TCF4: variants seen among roughly 807,000 people sequenced by gnomAD.
TCF4 encodes the protein SL3-3 enhancer factor 2.
In TCF4, 3 loss-of-function variants were observed where a neutral mutation model predicts 82.1. The ratio of observed to expected loss-of-function variants is 0.04; its 90% CI spans 0.02 to 0.09. The LOEUF (loss-of-function observed/expected upper bound fraction) is 0.09. Among genes scored for constraint, TCF4 ranks in the 10% least tolerant of loss-of-function variants. TCF4 has a pLI of 1.00. For missense variants in TCF4, 518 were observed against 852.7 expected, an observed-to-expected ratio of 0.61 and a Z score of 4.89; for synonymous variants, 276 against 309.6, an observed-to-expected ratio of 0.89 and a Z score of 1.14.
chr18:55,396,726 C>A (rs1029095120), intron 6 of TCF4, among the ~76,000 whole-genome samples: 3 of 152,174 alleles, frequency 2.0e-5, no homozygotes, highest in Non-Finnish European at 2.9e-5. Context: ...GCCTCTCTGA[C>A]CATCAGCCTG....
intron 3 of TCF4, among the ~76,000 whole-genome samples, chr18:55,537,419 A>G (rs934389854): frequency 2.0e-5 from 3 of 152,030 alleles, no homozygotes; most frequent in Non-Finnish European, 4.4e-5. Context: ...GCGAAACACC[A>G]TCTCTACAAA....
chr18:55,298,123 T>C (rs1343201093), intron 8 of TCF4, among the ~76,000 whole-genome samples: 1 of 152,172 alleles, frequency 6.6e-6, no homozygotes, highest in African/African-American at 2.4e-5. Flanking sequence ...GCACGAAGCA[T>C]CCAGTCGGTA....
chr18:55,318,919 T>G (rs1247983765), intron 8 of TCF4, among the ~76,000 whole-genome samples: 1 of 152,190 alleles, frequency 6.6e-6, no homozygotes, highest in African/African-American at 2.4e-5. Flanking sequence ...TCACTGTGTT[T>G]TGGAATGATT....
rs367549706 is a variant in TCF4 at position 55,511,491 on chromosome 18, C to CA, written c.146-47355dup. Among the ~76,000 whole-genome samples, 232 of 152,060 alleles carry CA rather than the reference C, an allele frequency of 1.5e-3. 1 individual carries two copies. The highest frequency in any genetic ancestry group is 5.4e-3 in the African/African-American group (226 of 41,492). On this transcript the variant is annotated intron_variant, in intron 3 of 19. Transcript: ENST00000354452. ...AAATCAGCATTAAAACACTGACTTG[C>CA]AAAAATGGCAACTTTTATTTTACTG... is the stretch of plus-strand genomic sequence containing the variant.
intron 5 of TCF4, among the ~76,000 whole-genome samples, chr18:55,435,628 A>G (rs1461397342): frequency 6.6e-6 from 1 of 152,080 alleles, no homozygotes; most frequent in Admixed American, 6.6e-5. Flanking sequence ...TACTCCTCAT[A>G]CCCTTCCTCT....
At chr18:55,268,769 G>A (rs1341225530) in intron 11 of TCF4, 1 of 152,080 alleles carries the variant, frequency 6.6e-6, no homozygotes, top group African/African-American at 2.4e-5. Flanking sequence ...CAAGTGCAAA[G>A]AGCTAAGAGG....
At chr18:55,541,179 T>A (rs1319626162) in intron 3 of TCF4, among the ~76,000 whole-genome samples, 1 of 151,992 alleles carries the variant, frequency 6.6e-6, no homozygotes, top group East Asian at 1.9e-4. Flanking sequence ...TTATACACAT[T>A]ATTATCTTTA....
At chr18:55,566,877 G>A (rs2097413263) in intron 3 of TCF4, among the ~76,000 whole-genome samples, 1 of 152,154 alleles carries the variant, frequency 6.6e-6, no homozygotes, top group Non-Finnish European at 1.5e-5. Flanking sequence ...AGCCACAGAT[G>A]CATGAAGAAC....
At chr18:55,345,050 C>A (rs1464329977) in intron 8 of TCF4, among the ~76,000 whole-genome samples, 1 of 151,964 alleles carries the variant, frequency 6.6e-6, no homozygotes, top group Non-Finnish European at 1.5e-5. Flanking sequence ...CTCATTATTC[C>A]AAAATTCCAA....
chr18:55,536,856 C>A (rs1042735278), intron 3 of TCF4, among the ~76,000 whole-genome samples: 1 of 152,122 alleles, frequency 6.6e-6, no homozygotes, highest in South Asian at 2.1e-4. Context: ...AGTTTCTGGC[C>A]GGGTGTGGTG....
upstream of TCF4, chr18:55,588,267 G>T: frequency 7.0e-7 from 1 of 1,437,814 alleles, no homozygotes; most frequent in South Asian, 1.5e-5. Context: ...GAGGGAAGGG[G>T]GGAGGGGGAA....
intron 4 of TCF4, among the ~76,000 whole-genome samples, chr18:55,462,525 T>G (rs2095888229): frequency 6.6e-6 from 1 of 152,174 alleles, no homozygotes; most frequent in Admixed American, 6.5e-5. Flanking sequence ...CAAAATTGGT[T>G]TGAAATTATT....
intron 3 of TCF4, among the ~76,000 whole-genome samples, chr18:55,528,822 C>T (rs2097023574): frequency 6.6e-6 from 1 of 152,164 alleles, no homozygotes; most frequent in African/African-American, 2.4e-5. Flanking sequence ...TTTTACATTT[C>T]TTTTTATTCT....
At chr18:55,285,689 G>C (rs1048269894) in intron 8 of TCF4, among the ~76,000 whole-genome samples, 21 of 152,186 alleles carry the variant, frequency 1.4e-4, no homozygotes, top group African/African-American at 5.1e-4. Flanking sequence ...TCCCAGTGTA[G>C]AGTCATGTTC....
chr18:55,251,302 T>C (rs1258931805), intron 15 of TCF4, among the ~76,000 whole-genome samples: 1 of 149,358 alleles, frequency 6.7e-6, no homozygotes, highest in Non-Finnish European at 1.5e-5. Context: ...CGCTCTTGTG[T>C]TATGAGCCAT....
In TCF4 at chr18:55,597,050, G is replaced by A. The variant is rs549433587; in HGVS notation, c.287-9914C>T. ...TAAACGTATGTAACCCTTCCCCTTC[G>A]CTCTCTCTCTCCTGCTGTGCCATGT... On this transcript the variant is annotated intron_variant, in intron 2 of 20. Coordinates refer to the TCF4 transcript ENST00000398339. 2.6e-5 allele frequency among the ~76,000 whole-genome samples: 4 copies of A among 151,846 alleles called. No individual in the cohort carries two copies. In the South Asian group the frequency reaches 8.3e-4, roughly 32 times the overall value.
chr18:55,418,970 CAGAGTGCATTGG>C (rs2094625566), intron 5 of TCF4, among the ~76,000 whole-genome samples: 1 of 152,166 alleles, frequency 6.6e-6, no homozygotes, highest in Non-Finnish European at 1.5e-5. Context: ...TCAGCACCAA[CAGAGTGCATTGG>C]GCCATTGTGT....
At chr18:55,511,329 TTTAAAAAAAA>T (rs1034870039) in intron 3 of TCF4, among the ~76,000 whole-genome samples, 1 of 6,256 alleles carries the variant, frequency 1.6e-4, no homozygotes, top group African/African-American at 1.8e-3. Context: ...ATTCCAAAAG[TTTAAAAAAAA>T]AAAAAAAAAA....
At chr18:55,343,515 A>C (rs950301949) in intron 8 of TCF4, among the ~76,000 whole-genome samples, 1 of 152,160 alleles carries the variant, frequency 6.6e-6, no homozygotes, top group African/African-American at 2.4e-5. Context: ...GAATTCTTAA[A>C]ATGTTCCTTT....
Sources: gnomAD v4.1 joint callset for allele counts (sites outside exome capture counted in the v4.1 genomes callset) on GRCh38, gnomAD v4.1.1 for gene constraint, MANE v1.5 for transcripts, NCBI Gene and HGNC (gene_info 2026-07-23, HGNC 2026-07-21) for gene names.